SOAT1: variants seen among roughly 807,000 people sequenced by gnomAD.
The protein encoded by SOAT1 is acyl-coenzyme A:cholesterol acyltransferase 1.
SOAT1 carries 55 observed loss-of-function variants against 69.5 expected under a neutral mutation model. That is an observed-to-expected ratio of 0.79 (90% CI 0.64 to 0.99). SOAT1 has a LOEUF of 0.99. SOAT1 is among the 50% of genes least tolerant of loss of function. The probability of loss-of-function intolerance (pLI) is 0.00; values close to 1 mark genes in which losing one functional copy is unlikely to be tolerated. For synonymous variants in SOAT1, 231 were observed against 224.7 expected, an observed-to-expected ratio of 1.03 and a Z score of -0.25; for missense variants, 580 against 669.3, an observed-to-expected ratio of 0.87 and a Z score of 1.47.
intron 11 of SOAT1, among the ~76,000 whole-genome samples, chr1:179,346,901 T>C (rs1666550381): frequency 6.6e-6 from 1 of 152,004 alleles, no homozygotes; most frequent in Non-Finnish European, 1.5e-5. Flanking sequence ...TGAAACCCTG[T>C]CTTTTAAAAA....
At chr1:179,335,876 A>G (rs565318299) in intron 4 of SOAT1, among the ~76,000 whole-genome samples, 1 of 152,148 alleles carries the variant, frequency 6.6e-6, no homozygotes, top group East Asian at 1.9e-4. Flanking sequence ...TTTAACACTA[A>G]TGCCGGGCAC....
At position 179,316,792 on chromosome 1, in the gene SOAT1, T is replaced by C. The variant is rs1665411260; in HGVS notation, c.119-6645T>C. ...AATTCTCAGCTATAATCACCTCAAA[T>C]ATTATCTCTCTGTATAGAGCTCTGA... is the stretch of plus-strand genomic sequence containing the variant. On this transcript the variant is annotated intron_variant, in intron 2 of 15. Coordinates refer to ENST00000367619, the MANE Select transcript of SOAT1 (RefSeq NM_003101.6). 2.6e-5 allele frequency among the ~76,000 whole-genome samples: 4 copies of C among 152,216 alleles called. No individual in the cohort carries two copies. In the South Asian group the frequency reaches 8.3e-4, roughly 31 times the overall value.
At chr1:179,316,469 T>C (rs1665399236) in intron 2 of SOAT1, among the ~76,000 whole-genome samples, 1 of 152,164 alleles carries the variant, frequency 6.6e-6, no homozygotes, top group Admixed American at 6.5e-5. Context: ...TGATCTCGGC[T>C]CACCGCAACC....
chr1:179,313,128 T>C (rs1421321514), intron 2 of SOAT1, among the ~76,000 whole-genome samples: 2 of 152,230 alleles, frequency 1.3e-5, no homozygotes, highest in Non-Finnish European at 2.9e-5. Flanking sequence ...GCCAACCAGA[T>C]TTACAGTAAA....
intron 14 of SOAT1, among the ~76,000 whole-genome samples, chr1:179,350,760 A>C (rs2125004705): frequency 6.6e-6 from 1 of 152,320 alleles, no homozygotes; most frequent in African/African-American, 2.4e-5. Flanking sequence ...AAAACTGACA[A>C]GTTTTTGAGT....
chr1:179,318,912 T>C (rs1665491898), intron 2 of SOAT1, among the ~76,000 whole-genome samples: 3 of 152,244 alleles, frequency 2.0e-5, no homozygotes, highest in Admixed American at 1.3e-4. Context: ...CCCATGAATA[T>C]TCATATACAA....
At chr1:179,336,470 C>CA (rs71569242) in intron 4 of SOAT1, among the ~76,000 whole-genome samples, 4,987 of 77,996 alleles carry the variant, frequency 0.064, 113 homozygotes, top group African/African-American at 0.11. Context: ...ACCCTGTCTC[C>CA]AAAAAAAAAA....
chr1:179,349,499 C>G (rs7556547), intron 13 of SOAT1, among the ~76,000 whole-genome samples: 102,241 of 151,776 alleles, frequency 0.67, 34,605 homozygotes, highest in East Asian at 0.88. Context: ...AGCTAATTTT[C>G]TATTTTTAGT....
chr1:179,318,248 TAA>T (rs1165162816), intron 2 of SOAT1, among the ~76,000 whole-genome samples: 2 of 152,028 alleles, frequency 1.3e-5, no homozygotes, highest in Non-Finnish European at 2.9e-5. Flanking sequence ...AGAGATCAAT[TAA>T]TCCCACTGCT....
rs762911049 is a variant in SOAT1, at chr1:179,344,352, G to GTTTTTTTTTTTTTTTTTTTTTTTTTTTTT, written c.988-595_988-594insTTTTTTTTTTTTTTTTTTTTTTTTTTTTT. On this transcript the variant is annotated intron_variant, in intron 10 of 15. Coordinates refer to ENST00000367619, the MANE Select transcript of SOAT1 (RefSeq NM_003101.6). ...TATGAAGTAAGTTCTTTCATTAAGG[G>GTTTTTTTTTTTTTTTTTTTTTTTTTTTTT]GTTTTTTTTTTTTTTTTTTTTTTTT... Among the ~76,000 whole-genome samples, 4 of 120,524 alleles carry GTTTTTTTTTTTTTTTTTTTTTTTTTTTTT rather than the reference G, an allele frequency of 3.3e-5. 2 individuals are homozygous for GTTTTTTTTTTTTTTTTTTTTTTTTTTTTT. Among genetic ancestry groups the GTTTTTTTTTTTTTTTTTTTTTTTTTTTTT allele is most frequent in the Admixed American group, 1.8e-4 (2 of 11,350 alleles). The allele number at this position is 120,524 out of a possible 152,430, so 79.1% of individuals were successfully genotyped here. A position where few individuals can be genotyped will look rare whatever the true frequency, so the allele number is the denominator to read the frequency against.
chr1:179,305,108 C>CTT (rs35224036), intron 2 of SOAT1, among the ~76,000 whole-genome samples: 75,296 of 151,888 alleles, frequency 0.5, 19,627 homozygotes, highest in East Asian at 0.84. Context: ...CCATTCCTCT[C>CTT]CTCTTAGCCT....
At chr1:179,305,557 G>A (rs10913710) in intron 2 of SOAT1, among the ~76,000 whole-genome samples, 36,027 of 151,930 alleles carry the variant, frequency 0.24, 4,459 homozygotes, top group East Asian at 0.46. Context: ...TTGTGTAGAA[G>A]CTTATGGAAT....
rs1666980771 is a variant in SOAT1, at chr1:179,358,519, G to C, written c.*4878G>C. ...TGGAAAAAGGTGCCAATTTTGGATT[G>C]GGAAAGGAGCTGAAGCCCCAGTCAA... On this transcript the variant is annotated 3_prime_UTR_variant, in exon 16 of 16. Transcript: ENST00000367619. 1 of 152,288 alleles carries C rather than the reference G, an allele frequency of 6.6e-6. No individual in the cohort carries two copies. The highest frequency in any genetic ancestry group is 6.5e-5 in the Admixed American group (1 of 15,290). 9.4% of individuals were successfully genotyped at this position (152,288 alleles called of 1,614,324 possible).
chr1:179,312,092 A>G (rs1665237671), intron 2 of SOAT1, among the ~76,000 whole-genome samples: 1 of 152,224 alleles, frequency 6.6e-6, no homozygotes, highest in Non-Finnish European at 1.5e-5. Context: ...TGGGACTTGA[A>G]AGTGGAAAAG....
intron 2 of SOAT1, among the ~76,000 whole-genome samples, chr1:179,322,452 G>A (rs1413784075): frequency 6.6e-6 from 1 of 151,236 alleles, no homozygotes; most frequent in Non-Finnish European, 1.5e-5. Context: ...GCGCAATCTC[G>A]GCTCACTGCA....
chr1:179,317,481 C>T (rs936584634), intron 2 of SOAT1, among the ~76,000 whole-genome samples: 5 of 144,952 alleles, frequency 3.4e-5, no homozygotes, highest in Admixed American at 7.4e-5. Context: ...TGCAGTGAGC[C>T]GAGATCGCGC....
At position 179,334,853 on chromosome 1, in the gene SOAT1, G is replaced by A. The variant is rs182855728; in HGVS notation, c.178-653G>A. Among the ~76,000 whole-genome samples the A allele has an allele frequency of 2.0e-5, 3 of 151,580 alleles. No individual in the cohort carries two copies. The South Asian group carries it at 6.3e-4, about 32-fold the overall frequency. On this transcript the variant is annotated intron_variant, in intron 3 of 15. Coordinates refer to ENST00000367619, the MANE Select transcript of SOAT1 (RefSeq NM_003101.6). Reference sequence around the variant, plus strand: ...CAACATGGAGAAACCCTGTCTCTACGAAAAATACAAAATTAGCCAGGTGTG... The same window carrying A: ...CAACATGGAGAAACCCTGTCTCTACAAAAAATACAAAATTAGCCAGGTGTG...
chr1:179,308,860 T>C (rs1395341287), intron 2 of SOAT1, among the ~76,000 whole-genome samples: 1 of 152,156 alleles, frequency 6.6e-6, no homozygotes, highest in Admixed American at 6.5e-5. Context: ...TTCTGCAATT[T>C]GTTTCTTCTA....
At chr1:179,342,257 C>G in intron 8 of SOAT1, 65 bp downstream of exon 8, 3 of 847,668 alleles carry the variant, frequency 3.5e-6, no homozygotes, top group Admixed American at 2.4e-5. Flanking sequence ...ACCCCATTCC[C>G]TTCCCTTCCC....
Sources: allele counts gnomAD v4.1 joint callset (sites outside exome capture counted in the v4.1 genomes callset), GRCh38; gene constraint gnomAD v4.1.1; transcripts MANE v1.5; gene names NCBI Gene and HGNC (gene_info 2026-07-23, HGNC 2026-07-21).